TRPM7: variants seen among roughly 807,000 people sequenced by gnomAD.
TRPM7 encodes the protein transient receptor potential cation channel subfamily M member 7, also known as LTRPC ion channel family member 7.
Under a neutral mutation model 229.7 loss-of-function variants are expected in TRPM7, and 134 were observed. The ratio of observed to expected loss-of-function variants is 0.58; its 90% confidence interval spans 0.51 to 0.67. The LOEUF is 0.67. TRPM7 is among the 30% of genes least tolerant of loss of function. TRPM7 has a pLI of 0.00. For missense variants in TRPM7, 1,901 were observed against 2,210.0 expected, an observed-to-expected ratio of 0.86 and a Z score of 2.80; for synonymous variants, 699 against 715.2, an observed-to-expected ratio of 0.98 and a Z score of 0.36.
At chr15:50,628,270 G>C in intron 10 of TRPM7, 21 bp from the exon 11 acceptor site, 1 of 1,507,770 alleles carries the variant, frequency 6.6e-7, no homozygotes, top group East Asian at 2.3e-5. Flanking sequence ...AAAGAAAATA[G>C]TTGACAGGTT....
Position 50,619,625 on chromosome 15 carries a change from G to A in TRPM7, c.1494+120C>T, listed in dbSNP as rs545344236. ...TTCAGCCCATATTTTATCTTGTTCT[G>A]TAAACTGTAATTTTATTGGTATTTC... On this transcript the variant is annotated intron_variant, in intron 13 of 38. Coordinates refer to ENST00000646667, the MANE Select transcript of TRPM7 (RefSeq NM_017672.6). 1.9e-5 allele frequency: 16 copies of A among 854,166 alleles called. No homozygotes were observed. In the South Asian group the frequency reaches 2.6e-4, roughly 14 times the overall value. 52.9% of individuals were successfully genotyped at this position (854,166 alleles called of 1,614,324 possible).
chr15:50,671,686 T>C (rs1456020775), intron 1 of TRPM7, among the ~76,000 whole-genome samples: 2 of 152,032 alleles, frequency 1.3e-5, no homozygotes, highest in African/African-American at 4.8e-5. Context: ...GGTGCCTGCC[T>C]ATAGTCCCAG....
intron 27 of TRPM7, among the ~76,000 whole-genome samples, chr15:50,589,299 G>A (rs892979402): frequency 2.8e-5 from 4 of 140,940 alleles, no homozygotes; most frequent in Admixed American, 7.9e-5. Flanking sequence ...TCCAGCCCAG[G>A]TGACAGCGAG....
rs759189372 is a variant in TRPM7 at position 50,624,320 on chromosome 15, T to C, written c.1306-20A>G. Reference sequence around the variant, plus strand: ...TCCAACCTAGGAGTATCAAATTTAATAAATACATATTTCACATATTCTAAT... The same window carrying C: ...TCCAACCTAGGAGTATCAAATTTAACAAATACATATTTCACATATTCTAAT... On this transcript the variant is annotated intron_variant, in intron 11 of 38. Coordinates refer to ENST00000646667, the MANE Select transcript of TRPM7 (RefSeq NM_017672.6). 5.8e-6 allele frequency: 9 copies of C among 1,553,330 alleles called. 1 individual carries two copies. The highest frequency in any genetic ancestry group is 3.5e-4 in the Middle Eastern group (2 of 5,642).
chr15:50,575,171 G>T, intron 33 of TRPM7, 36 bp from the exon 34 acceptor site: 2 of 1,515,312 alleles, frequency 1.3e-6, no homozygotes, highest in Admixed American at 2.2e-5. Flanking sequence ...AGATTAAATT[G>T]TGACTTTTTA....
intron 38 of TRPM7, among the ~76,000 whole-genome samples, chr15:50,565,769 G>A (rs1482603446): frequency 6.6e-6 from 1 of 151,506 alleles, no homozygotes; most frequent in African/African-American, 2.4e-5. Context: ...TCCAACAATA[G>A]CAGAATATAC....
In TRPM7 at chr15:50,643,532, T is replaced by A; in HGVS notation, c.343A>T (p.Thr115Ser). 6.2e-7 allele frequency: 1 copy of A among 1,614,080 alleles called. No individual in the cohort carries two copies. The highest frequency in any genetic ancestry group is 8.5e-7 in the Non-Finnish European group (1 of 1,179,944). Residue 115 changes from threonine (T) to serine (S), a missense_variant, in exon 5 of 39, where the codon ACC becomes TCC. Physicochemically the swap from Thr to Ser is moderately conservative, Grantham distance 58. Coordinates refer to ENST00000646667, the MANE Select transcript of TRPM7 (RefSeq NM_017672.6). ...AGTTGCAGAATGACTTCAGGTTTGGTGTCATATGATAGCCTCACATACTAG... is the reference window on the plus strand; with the variant it reads ...AGTTGCAGAATGACTTCAGGTTTGGAGTCATATGATAGCCTCACATACTAG... The part of the protein sequence containing the change: ...RAKYVRLSYD[T>S]KPEVILQLLL...
chr15:50,603,506 C>T (rs568910407), intron 21 of TRPM7, among the ~76,000 whole-genome samples: 6 of 151,658 alleles, frequency 4.0e-5, no homozygotes, highest in South Asian at 2.1e-4. Context: ...CATTCCCCAC[C>T]GTGTGTCCAA....
intron 3 of TRPM7, among the ~76,000 whole-genome samples, chr15:50,656,499 CTTT>C (rs75557468): frequency 4.5e-5 from 6 of 133,480 alleles, no homozygotes; most frequent in Non-Finnish European, 1.6e-5. Flanking sequence ...GTGTGGTTTT[CTTT>C]TTTTTTTTTT....
At chr15:50,661,829 T>C (rs912846572) in intron 2 of TRPM7, among the ~76,000 whole-genome samples, 12 of 152,226 alleles carry the variant, frequency 7.9e-5, no homozygotes, top group Admixed American at 7.9e-4. Context: ...AATTTTCATT[T>C]TTTCTAAGTG....
intron 28 of TRPM7, among the ~76,000 whole-genome samples, chr15:50,585,938 T>C (rs1291438844): frequency 6.6e-6 from 1 of 152,162 alleles, no homozygotes; most frequent in Admixed American, 6.5e-5. Flanking sequence ...CATGACTGTA[T>C]AAGCATGAAA....
At chr15:50,636,459 GC>G (rs2060911519) in intron 7 of TRPM7, among the ~76,000 whole-genome samples, 1 of 152,178 alleles carries the variant, frequency 6.6e-6, no homozygotes, top group African/African-American at 2.4e-5. Context: ...CCAAAGTGCT[GC>G]GATTATAGGC....
At position 50,619,815 on chromosome 15, in the gene TRPM7, T is replaced by A; in HGVS notation, c.1441-17A>T. 3 of 1,591,220 alleles carry A rather than the reference T, an allele frequency of 1.9e-6. No homozygotes were observed. Among genetic ancestry groups the A allele is most frequent in the Non-Finnish European group, 2.6e-6 (3 of 1,172,070 alleles). ...ACCTTGTTTCTTTAGGGAGAAAAAG[T>A]TACAGCAAACTATTATTTTTCTTCT... On this transcript the variant is annotated splice_polypyrimidine_tract_variant and intron_variant, in intron 12 of 38. Coordinates refer to ENST00000646667, the MANE Select transcript of TRPM7 (RefSeq NM_017672.6).
intron 1 of TRPM7, among the ~76,000 whole-genome samples, chr15:50,675,066 G>C (rs2062064319): frequency 6.6e-6 from 1 of 152,140 alleles, no homozygotes; most frequent in African/African-American, 2.4e-5. Context: ...CTCCTGGCTG[G>C]GCACGGTGGC....
At chr15:50,607,152 C>T (rs558819694) in intron 20 of TRPM7, 48 bp downstream of exon 20, 3 of 1,550,706 alleles carry the variant, frequency 1.9e-6, no homozygotes, top group Non-Finnish European at 2.6e-6. Context: ...AACAGAAAAT[C>T]TTCCATGTAT....
At chr15:50,649,552 G>A (rs1264656718) in intron 3 of TRPM7, among the ~76,000 whole-genome samples, 1 of 152,082 alleles carries the variant, frequency 6.6e-6, no homozygotes, top group African/African-American at 2.4e-5. Flanking sequence ...CATACTGAGT[G>A]AAAGAACCTA....
chr15:50,638,706 G>GTATGTATGTATGT, intron 6 of TRPM7, among the ~76,000 whole-genome samples: 2 of 63,232 alleles, frequency 3.2e-5, no homozygotes, highest in Admixed American at 2.2e-4. Flanking sequence ...GTATGTATGA[G>GTATGTATGTATGT]ATGGAGTTTT....
Position 50,561,643 on chromosome 15 carries a change from G to A in TRPM7, c.*35C>T, listed in dbSNP as rs767616639. ...AGTGACACAGTAACATTTCTGTGAG[G>A]TGCAGGCAAAACCAATGATTCAGTA... On this transcript the variant is annotated 3_prime_UTR_variant, in exon 39 of 39. Coordinates refer to ENST00000646667, the MANE Select transcript of TRPM7 (RefSeq NM_017672.6). 2 of 1,601,578 alleles carry A rather than the reference G, an allele frequency of 1.2e-6. No individual in the cohort carries two copies. Among genetic ancestry groups the A allele is most frequent in the Middle Eastern group, 1.7e-4 (1 of 5,852 alleles).
At chr15:50,565,474 G>A (rs923850156) in intron 38 of TRPM7, among the ~76,000 whole-genome samples, 5 of 151,930 alleles carry the variant, frequency 3.3e-5, no homozygotes, top group African/African-American at 9.7e-5. Flanking sequence ...AAAAGTATAC[G>A]TCAAAATAAG....
Sources: gnomAD v4.1 joint callset for allele counts (sites outside exome capture counted in the v4.1 genomes callset) on GRCh38, gnomAD v4.1.1 for gene constraint, MANE v1.5 for transcripts, NCBI Gene and HGNC (gene_info 2026-07-23, HGNC 2026-07-21) for gene names.